Variants in PCNX1 observed in about 807,000 individuals in gnomAD.
PCNX1 encodes the protein pecanex-like protein 1.
A neutral mutation model predicts 242.2 loss-of-function variants in PCNX1; 78 were observed. The observed-to-expected ratio is 0.32, with a 90% CI of 0.27 to 0.39. The LOEUF (loss-of-function observed/expected upper bound fraction) is 0.39, where lower values mean the gene tolerates loss of function less well. Among genes scored for constraint, PCNX1 ranks in the 10% least tolerant of loss-of-function variants. The pLI, the probability that PCNX1 is intolerant of heterozygous loss-of-function variation, is 1.00. For synonymous variants in PCNX1, 1,024 were observed against 1,032.9 expected, an observed-to-expected ratio of 0.99 and a Z score of 0.17; for missense variants, 2,581 against 2,856.5, an observed-to-expected ratio of 0.90 and a Z score of 2.20.
chr14:71,011,797 G>A, intron 10 of PCNX1: 1 of 420,048 alleles, frequency 2.4e-6, no homozygotes, highest in Non-Finnish European at 4.2e-6. Context: ...GAAAGTATTT[G>A]TCAATGCTTA....
chr14:70,948,083 A>G (rs530461428), intron 2 of PCNX1, among the ~76,000 whole-genome samples: 36 of 152,318 alleles, frequency 2.4e-4, no homozygotes, highest in Middle Eastern at 3.4e-3. Context: ...ATGTTTATCA[A>G]TGACAATCTG....
chr14:71,019,140 G>T lies in PCNX1; in HGVS notation c.3128G>T (p.Ser1043Ile), dbSNP rs1329356535. The change falls in exon 12 of 36, where the codon AGC becomes ATC. Residue 1043 changes from serine (S) to isoleucine (I), a missense_variant. Physicochemically the swap from Ser to Ile is moderately radical, Grantham distance 142. Coordinates refer to ENST00000304743, the MANE Select transcript of PCNX1 (RefSeq NM_014982.3). Reference protein sequence around the residue: ...WVFQFCLVIASCQYSLLKSVQ... With the variant: ...WVFQFCLVIAICQYSLLKSVQ... ...TTCCAGTTCTGCCTCGTCATAGCCA[G>T]CTGTCAATACTCACTGCTTAAGGTA... The T allele has an allele frequency of 1.2e-6, 2 of 1,610,610 alleles. No individual in the cohort carries two copies. The highest frequency in any genetic ancestry group is 1.7e-5 in the Admixed American group (1 of 59,686).
chr14:70,968,408 G>A (rs1357426804), intron 4 of PCNX1, among the ~76,000 whole-genome samples, 165 bp downstream of exon 4: 1 of 152,120 alleles, frequency 6.6e-6, no homozygotes, highest in African/African-American at 2.4e-5. Context: ...CTTAAATTGT[G>A]TTCTCTTTCA....
At chr14:70,962,803 A>G (rs1458733136) in intron 3 of PCNX1, among the ~76,000 whole-genome samples, 1 of 152,222 alleles carries the variant, frequency 6.6e-6, no homozygotes, top group East Asian at 1.9e-4. Flanking sequence ...TTAAAATGGT[A>G]ACTCTTGAAG....
intron 7 of PCNX1, among the ~76,000 whole-genome samples, chr14:70,994,419 ATATATATATATG>A (rs71105758): frequency 0.071 from 9,144 of 128,674 alleles, 373 homozygotes; most frequent in South Asian, 0.12. Flanking sequence ...ATATATATAT[ATATATATATATG>A]TATGTATGTA....
intron 5 of PCNX1, among the ~76,000 whole-genome samples, chr14:70,971,418 A>G (rs1407617752): frequency 7.5e-5 from 1 of 13,386 alleles, no homozygotes; most frequent in Admixed American, 5.0e-4. Context: ...TGCTGGGATT[A>G]CAGGCGTGAG....
intron 1 of PCNX1, among the ~76,000 whole-genome samples, chr14:70,925,850 C>T (rs1336538574): frequency 6.6e-6 from 1 of 152,094 alleles, no homozygotes; most frequent in East Asian, 1.9e-4. Flanking sequence ...CTCATGTTTA[C>T]ATAGATTGCC....
intron 32 of PCNX1, among the ~76,000 whole-genome samples, chr14:71,104,323 A>T (rs1218336901): frequency 1.3e-5 from 2 of 152,190 alleles, no homozygotes; most frequent in East Asian, 3.9e-4. Flanking sequence ...CAATTAAAGC[A>T]GCAAACTCTC....
chr14:71,028,495 G>A (rs923208979), intron 15 of PCNX1, among the ~76,000 whole-genome samples: 1 of 151,510 alleles, frequency 6.6e-6, no homozygotes, highest in African/African-American at 2.4e-5. Flanking sequence ...ATTTTATCTC[G>A]TAACAAAGAC....
intron 1 of PCNX1, 47 bp downstream of exon 1, chr14:70,908,050 TG>T: frequency 6.6e-7 from 1 of 1,510,190 alleles, no homozygotes; most frequent in Non-Finnish European, 8.9e-7. Context: ...CGCGAGCCGG[TG>T]GGGAGATGCT....
At chr14:71,002,475 G>T (rs990268210) in intron 8 of PCNX1, among the ~76,000 whole-genome samples, 1 of 152,194 alleles carries the variant, frequency 6.6e-6, no homozygotes, top group Non-Finnish European at 1.5e-5. Context: ...AGATGCGAGT[G>T]TTTCTGTCAC....
In PCNX1 at chr14:70,995,802, C is replaced by G. The variant is rs374751889; in HGVS notation, c.2506C>G (p.Pro836Ala). The G allele has an allele frequency of 7.4e-5, 120 of 1,614,068 alleles. 3 individuals are homozygous for G. The South Asian group carries it at 8.6e-4, about 12-fold the overall frequency. ...CCAGGTCAAAGTCCAGTCCCGCCCC[C>G]CTTCCCAGGCTGCAGTGCTCAGTGC... Reference protein sequence around the residue: ...TAQVKVQSRPPSQAAVLSASA... With the variant: ...TAQVKVQSRPASQAAVLSASA... The change falls in exon 8 of 36, where the codon CCT (proline) becomes GCT (alanine). Residue 836 changes from proline (P) to alanine (A), a missense_variant. Physicochemically the swap from Pro to Ala is conservative, Grantham distance 27. Coordinates refer to ENST00000304743, the MANE Select transcript of PCNX1 (RefSeq NM_014982.3).
intron 8 of PCNX1, among the ~76,000 whole-genome samples, chr14:71,003,609 A>C (rs2059573530): frequency 6.6e-6 from 1 of 152,242 alleles, no homozygotes; most frequent in Admixed American, 6.5e-5. Flanking sequence ...GGATAATGAA[A>C]TCACAGCAAA....
At chr14:71,022,657 A>G (rs1450779597) in intron 12 of PCNX1, among the ~76,000 whole-genome samples, 1 of 152,156 alleles carries the variant, frequency 6.6e-6, no homozygotes, top group Non-Finnish European at 1.5e-5. Context: ...ATGGGAAGTT[A>G]ATAAAATCTC....
chr14:71,039,987 T>C (rs552488734), intron 19 of PCNX1, among the ~76,000 whole-genome samples: 2 of 152,252 alleles, frequency 1.3e-5, no homozygotes, highest in African/African-American at 4.8e-5. Flanking sequence ...GACATTTCTC[T>C]TTTATTTAGG....
intron 3 of PCNX1, 80 bp downstream of exon 3, chr14:70,962,411 G>T (rs2058248857): frequency 5.5e-6 from 4 of 732,466 alleles, no homozygotes; most frequent in Non-Finnish European, 7.4e-6. Flanking sequence ...CTTTAAGTCG[G>T]CTGATGTTTT....
At chr14:71,033,341 G>A (rs1566725593) in intron 16 of PCNX1, 88 bp from the exon 17 acceptor site, 1 of 644,198 alleles carries the variant, frequency 1.6e-6, no homozygotes, top group Non-Finnish European at 2.7e-6. Context: ...TAAGTTCGTT[G>A]TCTTTTTCCA....
At chr14:71,051,278 A>G (rs1476061746) in intron 23 of PCNX1, among the ~76,000 whole-genome samples, 2 of 152,034 alleles carry the variant, frequency 1.3e-5, no homozygotes, top group South Asian at 2.1e-4. Flanking sequence ...TCATCTGAAC[A>G]TAAGAAAACT....
chr14:70,918,265 A>G (rs1394691821), intron 1 of PCNX1, among the ~76,000 whole-genome samples: 7 of 152,150 alleles, frequency 4.6e-5, no homozygotes, highest in Admixed American at 4.6e-4. Context: ...TTAGCTTTCT[A>G]CCTGTCTTGG....
Sources: gnomAD v4.1 joint callset for allele counts (sites outside exome capture counted in the v4.1 genomes callset) on GRCh38, gnomAD v4.1.1 for gene constraint, MANE v1.5 for transcripts, NCBI Gene and HGNC (gene_info 2026-07-23, HGNC 2026-07-21) for gene names.